The following CSMD1 variants were observed in gnomAD, a reference collection of about 807,000 sequenced individuals.
CSMD1 encodes the protein CUB and Sushi multiple domains 1.
In CSMD1, 213 loss-of-function variants were observed where a neutral mutation model predicts 417.5. That is an observed-to-expected ratio of 0.51 (90% CI 0.46 to 0.57). The LOEUF (loss-of-function observed/expected upper bound fraction) is 0.57, where lower values mean the gene tolerates loss of function less well. CSMD1 is among the 20% of genes least tolerant of loss of function. The pLI, the probability that CSMD1 is intolerant of heterozygous loss-of-function variation, is 0.00. For missense variants in CSMD1, 6,923 were observed against 4,529.7 expected (o/e 1.53, Z -15.17); for synonymous variants, 2,862 against 1,736.8 (o/e 1.65, Z -16.11).
At chr8:3,667,976 C>A (rs1231276563) in intron 7 of CSMD1, among the ~76,000 whole-genome samples, 1 of 152,110 alleles carries the variant, frequency 6.6e-6, no homozygotes, top group Non-Finnish European at 1.5e-5. Flanking sequence ...CTAACAGAGC[C>A]CCAATCCCGA....
intron 3 of CSMD1, among the ~76,000 whole-genome samples, chr8:4,087,513 C>G (rs998834824): frequency 6.6e-6 from 1 of 152,176 alleles, no homozygotes; most frequent in Admixed American, 6.5e-5. Context: ...TTTTTATCCT[C>G]TCTGGTGTCA....
intron 2 of CSMD1, among the ~76,000 whole-genome samples, chr8:4,426,468 C>G (rs1009970064): frequency 6.1e-5 from 9 of 147,498 alleles, no homozygotes; most frequent in African/African-American, 2.2e-4. Context: ...ATACAGACTA[C>G]AGTTTATATA....
At chr8:3,951,140 TGTTTGTTTTACAAAGACAGAA>T (rs1380125722) in intron 5 of CSMD1, among the ~76,000 whole-genome samples, 3 of 152,316 alleles carry the variant, frequency 2.0e-5, no homozygotes, top group African/African-American at 7.2e-5. Flanking sequence ...GTCTCAAAGT[TGTTTGTTTTACAAAGACAGAA>T]GTTTTGAAGC....
chr8:3,324,892 T>G lies in CSMD1; in HGVS notation c.3632-16389A>C, dbSNP rs187364638. Among the ~76,000 whole-genome samples, 111 of 152,320 alleles carry G rather than the reference T, an allele frequency of 7.3e-4. 1 individual carries two copies. Among genetic ancestry groups the G allele is most frequent in the Middle Eastern group, 3.4e-3 (1 of 294 alleles). On this transcript the variant is annotated intron_variant, in intron 23 of 69. Coordinates refer to ENST00000635120, the MANE Select transcript of CSMD1 (RefSeq NM_033225.6). ...CAATTGCCTTGGTATGTTTTCATGT[T>G]CCTCGGTCTAGTTGCCTGGCACTGG...
At chr8:3,057,159 C>T (rs1038656740) in intron 49 of CSMD1, among the ~76,000 whole-genome samples, 2 of 152,080 alleles carry the variant, frequency 1.3e-5, no homozygotes, top group Non-Finnish European at 1.5e-5. Flanking sequence ...ACTCATTTTA[C>T]ACGCAAACAC....
chr8:3,935,305 G>C (rs1055390989), intron 5 of CSMD1, among the ~76,000 whole-genome samples: 4 of 152,148 alleles, frequency 2.6e-5, no homozygotes, highest in South Asian at 2.1e-4. Context: ...CTCCATATCA[G>C]CATGAAACAC....
Position 3,740,553 on chromosome 8 carries a change from G to C in CSMD1, c.931+13377C>G, listed in dbSNP as rs187797370. On this transcript the variant is annotated intron_variant, in intron 6 of 69. Coordinates refer to ENST00000635120, the MANE Select transcript of CSMD1 (RefSeq NM_033225.6). Reference sequence around the variant, plus strand: ...ACAGACGGAAAGGAGAAGGATTTCTGCCACAGGGAAAGTTATATGGCACAC... The same window carrying C: ...ACAGACGGAAAGGAGAAGGATTTCTCCCACAGGGAAAGTTATATGGCACAC... Among the ~76,000 whole-genome samples, 20 of 152,286 alleles carry C rather than the reference G, an allele frequency of 1.3e-4. No individual in the cohort carries two copies. In the East Asian group the frequency reaches 3.7e-3, roughly 28 times the overall value.
At chr8:3,383,370 C>T (rs566702528) in intron 18 of CSMD1, among the ~76,000 whole-genome samples, 1 of 151,974 alleles carries the variant, frequency 6.6e-6, no homozygotes, top group South Asian at 2.1e-4. Context: ...AGCCTTCTTC[C>T]ACACTAGGAA....
chr8:3,380,023 C>T (rs543364092), intron 18 of CSMD1, among the ~76,000 whole-genome samples: 224 of 152,218 alleles, frequency 1.5e-3, no homozygotes, highest in African/African-American at 5.2e-3. Context: ...CCAGAATCTA[C>T]AAAGAACTTG....
At chr8:3,940,742 T>C (rs996296986) in intron 5 of CSMD1, among the ~76,000 whole-genome samples, 1 of 152,004 alleles carries the variant, frequency 6.6e-6, no homozygotes, top group Non-Finnish European at 1.5e-5. Context: ...TAAAGTAGCT[T>C]ATTTTTCAAA....
intron 36 of CSMD1, among the ~76,000 whole-genome samples, chr8:3,183,699 A>G (rs1431395094): frequency 6.6e-6 from 1 of 152,190 alleles, no homozygotes; most frequent in Non-Finnish European, 1.5e-5. Flanking sequence ...GTAGGTCTCT[A>G]CTGTTTCTTA....
intron 52 of CSMD1, 41 bp from the exon 53 acceptor site, chr8:3,000,172 C>T: frequency 4.1e-6 from 6 of 1,453,606 alleles, no homozygotes; most frequent in African/African-American, 1.4e-5. Flanking sequence ...GAGTGTCTGT[C>T]ATTTATAAAA....
intron 51 of CSMD1, among the ~76,000 whole-genome samples, chr8:3,024,633 T>C (rs1809716031): frequency 1.3e-5 from 2 of 152,186 alleles, no homozygotes; most frequent in Admixed American, 6.5e-5. Context: ...AAAAATTGTG[T>C]TTTTCACTTT....
chr8:3,329,417 G>C (rs1163264035), intron 23 of CSMD1, among the ~76,000 whole-genome samples: 1 of 152,078 alleles, frequency 6.6e-6, no homozygotes, highest in Non-Finnish European at 1.5e-5. Flanking sequence ...CAAGCAGATG[G>C]AGAGTTCGAG....
chr8:4,526,900 G>A (rs1378258496), intron 2 of CSMD1, among the ~76,000 whole-genome samples: 2 of 152,012 alleles, frequency 1.3e-5, no homozygotes, highest in Non-Finnish European at 2.9e-5. Flanking sequence ...TATTGTGAAT[G>A]ATCAAACATG....
chr8:3,995,015 C>G (rs969098330), intron 5 of CSMD1, among the ~76,000 whole-genome samples: 1 of 152,142 alleles, frequency 6.6e-6, no homozygotes, highest in Admixed American at 6.5e-5. Context: ...TCGCAGCACC[C>G]ACAATGCTCC....
chr8:4,437,880 C>A (rs951689005), intron 2 of CSMD1, among the ~76,000 whole-genome samples: 4 of 152,084 alleles, frequency 2.6e-5, no homozygotes, highest in Non-Finnish European at 5.9e-5. Flanking sequence ...GTGTAGAATT[C>A]AAGTGGTCTC....
At chr8:4,039,766 G>A (rs1007058349) in intron 3 of CSMD1, among the ~76,000 whole-genome samples, 11 of 152,230 alleles carry the variant, frequency 7.2e-5, no homozygotes, top group African/African-American at 2.7e-4. Flanking sequence ...GGAAGTCGTT[G>A]TGGCAAGCAT....
intron 3 of CSMD1, among the ~76,000 whole-genome samples, chr8:4,158,952 G>C (rs1796991619): frequency 6.6e-6 from 1 of 152,120 alleles, no homozygotes; most frequent in Admixed American, 6.5e-5. Context: ...TTTCACTCTT[G>C]TTGCCCAGGT....
Sources: gnomAD v4.1 joint callset for allele counts (sites outside exome capture counted in the v4.1 genomes callset) on GRCh38, gnomAD v4.1.1 for gene constraint, MANE v1.5 for transcripts, NCBI Gene and HGNC (gene_info 2026-07-23, HGNC 2026-07-21) for gene names.